CAST: variants seen among roughly 807,000 people sequenced by gnomAD.
The protein encoded by CAST is MIR583 host.
Under a neutral mutation model 119.6 loss-of-function variants are expected in CAST, and 76 were observed. The ratio of observed to expected loss-of-function variants is 0.64; its 90% CI spans 0.53 to 0.77. The LOEUF (loss-of-function observed/expected upper bound fraction) is 0.77, where lower values mean the gene tolerates loss of function less well. CAST is among the 30% of genes least tolerant of loss of function. The pLI is 0.00. For missense variants in CAST, 953 were observed against 946.5 expected, an observed-to-expected ratio of 1.01 and a Z score of -0.09; for synonymous variants, 319 against 331.6, an observed-to-expected ratio of 0.96 and a Z score of 0.41.
the CAST span, among the ~76,000 whole-genome samples, chr5:95,962,293 GGGGA>G: frequency 6.6e-5 from 10 of 152,240 alleles, no homozygotes; most frequent in Admixed American, 3.9e-4. Flanking sequence ...CACTATGTAA[GGGGA>G]TGGCCGTGAC....
At chr5:96,307,074 T>C in the CAST span, among the ~76,000 whole-genome samples, 2 of 152,226 alleles carry the variant, frequency 1.3e-5, no homozygotes, top group African/African-American at 4.8e-5. Context: ...ACTATTATTG[T>C]GTGGGAGTCT....
rs71617135 is a variant in CAST, at chr5:96,680,354, C to CAAAAAAAAA, written c.138+4770_138+4778dup. On this transcript the variant is annotated intron_variant, in intron 2 of 31. Coordinates refer to ENST00000675179, the MANE Select transcript of CAST (RefSeq NM_001750.7). ...TGGGCAACAGAACGAGACTCTGTCT[C>CAAAAAAAAA]AAAAAAAAAAAAAAAAAAAAAAAAA... is the stretch of plus-strand genomic sequence containing the variant. 7.2e-4 allele frequency among the ~76,000 whole-genome samples: 21 copies of CAAAAAAAAA among 29,246 alleles called. 1 individual carries two copies. Among genetic ancestry groups the CAAAAAAAAA allele is most frequent in the African/African-American group, 2.7e-3 (18 of 6,636 alleles). 19.2% of individuals were successfully genotyped at this position (29,246 alleles called of 152,430 possible).
At chr5:96,123,609 T>C in the CAST span, among the ~76,000 whole-genome samples, 1 of 152,180 alleles carries the variant, frequency 6.6e-6, no homozygotes, top group Non-Finnish European at 1.5e-5. Flanking sequence ...GTTTGCTTGA[T>C]AGATTAGCAA....
At chr5:96,300,154 G>A in the CAST span, among the ~76,000 whole-genome samples, 3 of 151,940 alleles carry the variant, frequency 2.0e-5, no homozygotes, top group Admixed American at 2.0e-4. Flanking sequence ...TATATTTTTG[G>A]GGTCAACTAT....
At chr5:96,529,896 C>A in intron 1 of CAST, 1 of 378,430 alleles carries the variant, frequency 2.6e-6, no homozygotes, top group Non-Finnish European at 5.2e-6. Flanking sequence ...TCAATTAAAC[C>A]TCTCTTATTT....
the CAST span, among the ~76,000 whole-genome samples, chr5:96,000,893 T>C: frequency 6.6e-6 from 1 of 152,228 alleles, no homozygotes; most frequent in Admixed American, 6.5e-5. Flanking sequence ...GAGTGGGGAC[T>C]GTTGTGATAT....
the CAST span, among the ~76,000 whole-genome samples, chr5:96,512,364 G>T: frequency 2.9e-4 from 44 of 152,260 alleles, 1 homozygote; most frequent in East Asian, 3.5e-3. Context: ...TGTATATTTT[G>T]CAAGTGCTTC....
At chr5:96,199,259 G>A in the CAST span, among the ~76,000 whole-genome samples, 2 of 152,208 alleles carry the variant, frequency 1.3e-5, no homozygotes, top group South Asian at 4.1e-4. Flanking sequence ...AGGCTTTGGT[G>A]TTCATTGTTT....
chr5:96,194,028 G>A, the CAST span, among the ~76,000 whole-genome samples: 1 of 152,118 alleles, frequency 6.6e-6, no homozygotes, highest in Admixed American at 6.6e-5. Context: ...GAGGACACCT[G>A]GCCTGAGAAG....
the CAST span, among the ~76,000 whole-genome samples, chr5:96,176,035 C>T: frequency 6.6e-6 from 1 of 152,162 alleles, no homozygotes; most frequent in East Asian, 1.9e-4. Context: ...GCTAAGGGCT[C>T]GTCTAGCTCT....
the CAST span, among the ~76,000 whole-genome samples, chr5:96,211,770 T>G: frequency 6.6e-6 from 1 of 151,980 alleles, no homozygotes; most frequent in Non-Finnish European, 1.5e-5. Context: ...GGCCTGATAA[T>G]TTATTTTGGG....
At chr5:96,227,616 A>T in the CAST span, among the ~76,000 whole-genome samples, 1 of 152,202 alleles carries the variant, frequency 6.6e-6, no homozygotes, top group Non-Finnish European at 1.5e-5. Context: ...AGGGGGAAAA[A>T]GTGCCATCAT....
the CAST span, among the ~76,000 whole-genome samples, chr5:95,998,970 T>C: frequency 6.9e-4 from 105 of 152,314 alleles, no homozygotes; most frequent in African/African-American, 2.4e-3. Flanking sequence ...TATCTCGTTG[T>C]GGTTTTAATT....
chr5:96,657,343 C>T (rs1213970963), upstream of CAST, among the ~76,000 whole-genome samples: 1 of 152,026 alleles, frequency 6.6e-6, no homozygotes, highest in African/African-American at 2.4e-5. Flanking sequence ...GTGTATCGTC[C>T]CAATCTACAT....
chr5:96,295,990 CT>C, the CAST span, among the ~76,000 whole-genome samples: 207 of 152,196 alleles, frequency 1.4e-3, 1 homozygote, highest in African/African-American at 4.7e-3. Context: ...CTTCTTTGTA[CT>C]TTACTATATT....
chr5:96,601,489 T>A (rs1044868383), intron 1 of CAST, among the ~76,000 whole-genome samples: 5 of 152,236 alleles, frequency 3.3e-5, no homozygotes, highest in Admixed American at 2.6e-4. Context: ...AGGATTTTTT[T>A]AAATCCCTCT....
the CAST span, among the ~76,000 whole-genome samples, chr5:96,429,660 C>T: frequency 7.9e-5 from 12 of 152,214 alleles, no homozygotes; most frequent in East Asian, 3.9e-4. Flanking sequence ...TATGTATTTA[C>T]GTGTTCTCAT....
At chr5:96,522,151 T>A (rs569459393), upstream of CAST, among the ~76,000 whole-genome samples, 46 of 152,220 alleles carry the variant, frequency 3.0e-4, 3 homozygotes, top group South Asian at 9.3e-3. Flanking sequence ...GTCAAACCTC[T>A]GTTTATTTAA....
the CAST span, among the ~76,000 whole-genome samples, chr5:96,382,623 G>C: frequency 3.9e-5 from 6 of 152,140 alleles, no homozygotes; most frequent in African/African-American, 1.4e-4. Flanking sequence ...GAGAGCAGAG[G>C]GCATGTCCAC....
Sources: gnomAD v4.1 joint callset for allele counts (sites outside exome capture counted in the v4.1 genomes callset) on GRCh38, gnomAD v4.1.1 for gene constraint, MANE v1.5 for transcripts, NCBI Gene and HGNC (gene_info 2026-07-23, HGNC 2026-07-21) for gene names.